CPSF4L: variants seen among roughly 807,000 people sequenced by gnomAD.
CPSF4L encodes the protein putative cleavage and polyadenylation specificity factor subunit 4-like protein.
CPSF4L carries 18 observed loss-of-function variants against 24.0 expected under a neutral mutation model. The observed-to-expected ratio is 0.75, with a 90% CI of 0.52 to 1.11. The LOEUF is 1.11. Among genes scored for constraint, CPSF4L ranks in the 50% least tolerant of loss-of-function variants. CPSF4L has a pLI of 0.00. For synonymous variants in CPSF4L, 72 were observed against 77.2 expected (o/e 0.93, Z 0.35); for missense variants, 211 against 221.8 (o/e 0.95, Z 0.31).
chr17:73,254,081 G>T, intron 3 of CPSF4L, 55 bp from the exon 4 acceptor site: 1 of 1,362,484 alleles, frequency 7.3e-7, no homozygotes. Context: ...TCACTTCTGT[G>T]TCCCCAAACC....
chr17:73,243,373 C>T, the CPSF4L span, among the ~76,000 whole-genome samples: 77,499 of 151,516 alleles, frequency 0.51, 19,912 homozygotes, highest in East Asian at 0.62. Context: ...AGGCTGGTCT[C>T]GAACTGCCGA....
At chr17:73,250,181 C>T in intron 5 of CPSF4L, 1 of 1,495,264 alleles carries the variant, frequency 6.7e-7, no homozygotes, top group Non-Finnish European at 9.0e-7. Flanking sequence ...TACTGTGGAA[C>T]TTGGGAAACA....
intron 3 of CPSF4L, among the ~76,000 whole-genome samples, chr17:73,254,981 G>A (rs1197122682): frequency 1.3e-5 from 2 of 152,156 alleles, no homozygotes; most frequent in Non-Finnish European, 2.9e-5. Flanking sequence ...TTTCTCTTAG[G>A]AAGAAAGCTC....
At chr17:73,247,928 T>C (rs1194012898), downstream of CPSF4L, 1 of 154,564 alleles carries the variant, frequency 6.5e-6, no homozygotes, top group Non-Finnish European at 1.4e-5. Context: ...TGCTCATTGC[T>C]GCCACCTGGG....
chr17:73,251,672 C>T (rs910590867), intron 5 of CPSF4L, among the ~76,000 whole-genome samples: 40 of 152,344 alleles, frequency 2.6e-4, no homozygotes, highest in Non-Finnish European at 7.3e-5. Flanking sequence ...TCACATGTCA[C>T]AAAATATTTT....
chr17:73,244,946 G>A (rs1166546888), downstream of CPSF4L, among the ~76,000 whole-genome samples: 1 of 152,194 alleles, frequency 6.6e-6, no homozygotes, highest in Non-Finnish European at 1.5e-5. Context: ...CTCCCACAGA[G>A]AAAAGGGCTT....
upstream of CPSF4L, chr17:73,261,973 G>C: frequency 1.6e-6 from 1 of 626,674 alleles, no homozygotes; most frequent in Non-Finnish European, 2.8e-6. Flanking sequence ...GCTCCAGCCT[G>C]GGCTGTACAG....
chr17:73,263,049 G>A (rs1054379945), upstream of CPSF4L, among the ~76,000 whole-genome samples: 5 of 152,204 alleles, frequency 3.3e-5, no homozygotes, highest in South Asian at 1.0e-3. Flanking sequence ...TGCATCCTGG[G>A]AGAGGCAGAG....
At chr17:73,245,432 A>G (rs1197605635), downstream of CPSF4L, 1 of 1,181,974 alleles carries the variant, frequency 8.5e-7, no homozygotes, top group Non-Finnish European at 1.0e-6. Context: ...GCAACTGAGA[A>G]TTAGAGAAAA....
At chr17:73,243,415 A>C in the CPSF4L span, among the ~76,000 whole-genome samples, 1 of 152,018 alleles carries the variant, frequency 6.6e-6, no homozygotes, top group African/African-American at 2.4e-5. Context: ...CAGCCTCCCA[A>C]AGTGCTAAGA....
chr17:73,257,916 G>A (rs1007517925), intron 2 of CPSF4L, 83 bp from the exon 3 acceptor site: 6 of 1,448,620 alleles, frequency 4.1e-6, no homozygotes, highest in Middle Eastern at 2.4e-4. Context: ...TTCCCCAGGA[G>A]GGTACCTGAC....
At chr17:73,251,892 C>G (rs576546005) in intron 5 of CPSF4L, among the ~76,000 whole-genome samples, 39 of 152,340 alleles carry the variant, frequency 2.6e-4, no homozygotes, top group African/African-American at 9.4e-4. Context: ...ACCATGCGTG[C>G]TACCCAGCTA....
downstream of CPSF4L, among the ~76,000 whole-genome samples, chr17:73,243,588 G>C (rs2061891628): frequency 6.6e-6 from 1 of 150,486 alleles, no homozygotes; most frequent in Admixed American, 6.6e-5. Flanking sequence ...GAGTGCAGTG[G>C]CATGATCTCA....
At chr17:73,255,850 G>A (rs912426523) in intron 3 of CPSF4L, among the ~76,000 whole-genome samples, 3 of 152,108 alleles carry the variant, frequency 2.0e-5, no homozygotes, top group Non-Finnish European at 2.9e-5. Flanking sequence ...TGCATTCCTG[G>A]CCTGGCCAGC....
At chr17:73,262,936 AT>A (rs2062052710), upstream of CPSF4L, among the ~76,000 whole-genome samples, 4 of 148,358 alleles carry the variant, frequency 2.7e-5, no homozygotes, top group South Asian at 8.5e-4. Flanking sequence ...TGAACTCCAG[AT>A]CAGAAAAGAA....
chr17:73,254,952 T>C (rs181606536), intron 3 of CPSF4L, among the ~76,000 whole-genome samples: 128 of 152,244 alleles, frequency 8.4e-4, no homozygotes, highest in African/African-American at 2.9e-3. Flanking sequence ...CCAGGTGTCA[T>C]TTTAAGAGCT....
upstream of CPSF4L, among the ~76,000 whole-genome samples, chr17:73,262,557 C>G (rs58564745): frequency 6.6e-6 from 1 of 152,250 alleles, no homozygotes; most frequent in Non-Finnish European, 1.5e-5. Context: ...AGTGCCACCC[C>G]ACCCCTGAGA....
chr17:73,262,707 C>A (rs7217509), upstream of CPSF4L, among the ~76,000 whole-genome samples: 1 of 152,144 alleles, frequency 6.6e-6, no homozygotes, highest in Non-Finnish European at 1.5e-5. Context: ...CCCCCTCCCC[C>A]TGCTCTGGCC....
At chr17:73,253,474 C>T (rs141091213) in intron 4 of CPSF4L, among the ~76,000 whole-genome samples, 1 of 152,324 alleles carries the variant, frequency 6.6e-6, no homozygotes, top group Non-Finnish European at 1.5e-5. Context: ...GAGGGAGAAA[C>T]CCTGTTGCTT....
Sources: allele counts gnomAD v4.1 joint callset (sites outside exome capture counted in the v4.1 genomes callset), GRCh38; gene constraint gnomAD v4.1.1; transcripts MANE v1.5; gene names NCBI Gene and HGNC (gene_info 2026-07-23, HGNC 2026-07-21).